BCL2L14: variants seen among roughly 807,000 people sequenced by gnomAD.
BCL2L14 encodes the protein BCL2 like 14, also known as apoptosis facilitator Bcl-2-like protein 14.
Under a neutral mutation model 35.3 loss-of-function variants are expected in BCL2L14, and 27 were observed. The observed-to-expected ratio is 0.76, with a 90% confidence interval of 0.56 to 1.05. The LOEUF (loss-of-function observed/expected upper bound fraction) is 1.05, where lower values mean the gene tolerates loss of function less well. Among genes scored for constraint, BCL2L14 ranks in the 50% least tolerant of loss-of-function variants. The pLI is 0.00. For missense variants in BCL2L14, 377 were observed against 382.6 expected (o/e 0.99, Z 0.12); for synonymous variants, 139 against 145.9 (o/e 0.95, Z 0.34).
chr12:12,093,125 T>TAA (rs1204164574), intron 4 of BCL2L14, among the ~76,000 whole-genome samples: 1 of 152,020 alleles, frequency 6.6e-6, no homozygotes, highest in Non-Finnish European at 1.5e-5. Context: ...TCAAAGGAGG[T>TAA]AAAGCAGAGA....
Position 12,054,947 on chromosome 12 carries a change from C to CAAA in BCL2L14, c.-272+3112_-272+3114dup, listed in dbSNP as rs33941702. 357 of 135,522 alleles carry CAAA rather than the reference C, an allele frequency of 2.6e-3. 2 individuals are homozygous for CAAA. Among genetic ancestry groups the CAAA allele is most frequent in the South Asian group, 8.4e-3 (34 of 4,044 alleles). 8.4% of individuals were successfully genotyped at this position (135,522 alleles called of 1,614,324 possible). A position where few individuals can be genotyped will look rare whatever the true frequency, so the allele number is the denominator to read the frequency against. ...TGGGCGACAGAGCGAGACTCCATCTCAAAAAAAAAAAAAAGAATAAAGAAA... is the reference window on the plus strand; with the variant it reads ...TGGGCGACAGAGCGAGACTCCATCTCAAAAAAAAAAAAAAAAAGAATAAAGAAA... On this transcript the variant is annotated intron_variant, in intron 2 of 3. Transcript: ENST00000461264.
intron 1 of BCL2L14, among the ~76,000 whole-genome samples, chr12:12,078,445 C>T (rs948385326): frequency 5.9e-5 from 9 of 152,170 alleles, no homozygotes; most frequent in African/African-American, 1.4e-4. Flanking sequence ...TACTGATCAA[C>T]GTGAGAAAAT....
chr12:12,058,874 G>C (rs1163902269), intron 2 of BCL2L14, among the ~76,000 whole-genome samples: 2 of 152,266 alleles, frequency 1.3e-5, no homozygotes, highest in Admixed American at 6.5e-5. Flanking sequence ...ATCCACCTAT[G>C]ACCTCAGGTT....
At chr12:12,077,967 G>C in intron 1 of BCL2L14, 1 of 445,606 alleles carries the variant, frequency 2.2e-6, no homozygotes, top group Non-Finnish European at 4.5e-6. Flanking sequence ...ACCAGAGAAG[G>C]AGTTATTTCA....
chr12:12,060,405 T>G (rs1159841516), intron 2 of BCL2L14, among the ~76,000 whole-genome samples: 2 of 69,242 alleles, frequency 2.9e-5, no homozygotes, highest in Non-Finnish European at 5.6e-5. Context: ...AAAGGCCGTC[T>G]TATTCTCAAA....
upstream of BCL2L14, among the ~76,000 whole-genome samples, chr12:12,070,447 G>T (rs1948652063): frequency 6.6e-6 from 1 of 152,202 alleles, no homozygotes; most frequent in Admixed American, 6.5e-5. Context: ...CACTTTGGGA[G>T]GCCGAGGAGG....
chr12:12,078,604 T>G (rs1395971847), intron 1 of BCL2L14, among the ~76,000 whole-genome samples: 1 of 152,102 alleles, frequency 6.6e-6, no homozygotes, highest in Non-Finnish European at 1.5e-5. Context: ...TCAAACACAT[T>G]CTGAATTCAC....
In BCL2L14 at chr12:12,079,399, A is replaced by C; in HGVS notation, c.94A>C (p.Arg32=). Residue 32 remains arginine, a synonymous_variant, in exon 2 of 6, where the codon AGA becomes CGA. Coordinates refer to ENST00000308721, the MANE Select transcript of BCL2L14 (RefSeq NM_138723.2). ...ATTCAAAATCCTCGCCTACTACACC[A>C]GACATCATGTCTTCAAGAGCACCCC... ...IEFKILAYYT[R]HHVFKSTPAL... 6.2e-7 allele frequency: 1 copy of C among 1,614,196 alleles called. No homozygotes were observed. The highest frequency in any genetic ancestry group is 8.5e-7 in the Non-Finnish European group (1 of 1,180,038).
At chr12:12,077,750 A>G in intron 1 of BCL2L14, 1 of 205,772 alleles carries the variant, frequency 4.9e-6, no homozygotes, top group East Asian at 1.1e-4. Context: ...ACAGGTCACA[A>G]AACTAGTCAC....
chr12:12,057,233 G>T (rs555431744), intron 2 of BCL2L14, among the ~76,000 whole-genome samples: 10 of 152,332 alleles, frequency 6.6e-5, no homozygotes, highest in African/African-American at 2.4e-4. Flanking sequence ...ATTATAATAT[G>T]CAAGGAATTA....
intron 4 of BCL2L14, among the ~76,000 whole-genome samples, chr12:12,093,304 T>C (rs1386567724): frequency 6.6e-6 from 1 of 152,222 alleles, no homozygotes; most frequent in Non-Finnish European, 1.5e-5. Flanking sequence ...CCAAAGCACC[T>C]CTTCTATGTC....
intron 1 of BCL2L14, among the ~76,000 whole-genome samples, chr12:12,078,422 T>C (rs552945829): frequency 6.6e-6 from 1 of 152,328 alleles, no homozygotes; most frequent in East Asian, 1.9e-4. Flanking sequence ...AGTCCACAGC[T>C]CATTTTGAAA....
intron 5 of BCL2L14, among the ~76,000 whole-genome samples, chr12:12,097,219 A>G (rs1331069936): frequency 6.6e-6 from 1 of 152,240 alleles, no homozygotes; most frequent in Non-Finnish European, 1.5e-5. Context: ...AGTTGAAGAC[A>G]TATTTTCATA....
In BCL2L14 at chr12:12,087,380, A is replaced by C. The variant is rs1280744258; in HGVS notation, c.601A>C (p.Lys201Gln). Residue 201 changes from lysine to glutamine, a missense_variant, in exon 3 of 6, where the codon AAG (lysine) becomes CAG (glutamine). Lys to Gln is a moderately conservative substitution (Grantham distance 53). Coordinates refer to ENST00000308721, the MANE Select transcript of BCL2L14 (RefSeq NM_138723.2). Reference sequence around the variant, plus strand: ...CCACGTGCCTGTAGCTTCAAGTTCTAAGAAAGGTAAGCTTTCCTTCCCTGG... The same window carrying C: ...CCACGTGCCTGTAGCTTCAAGTTCTCAGAAAGGTAAGCTTTCCTTCCCTGG... The part of the protein sequence containing the change: ...QGHVPVASSS[K>Q]KDEEEQILAK... 1 of 1,613,988 alleles carries C rather than the reference A, an allele frequency of 6.2e-7. No individual in the cohort carries two copies. Among genetic ancestry groups the C allele is most frequent in the Non-Finnish European group, 8.5e-7 (1 of 1,179,966 alleles).
At chr12:12,094,045 T>C (rs1432177944) in intron 4 of BCL2L14, among the ~76,000 whole-genome samples, 2 of 151,270 alleles carry the variant, frequency 1.3e-5, no homozygotes, top group Non-Finnish European at 2.9e-5. Flanking sequence ...AGGCAGAGGT[T>C]GCAGTGAGCT....
intron 2 of BCL2L14, among the ~76,000 whole-genome samples, chr12:12,065,273 C>T (rs1023014416): frequency 6.6e-6 from 1 of 152,046 alleles, no homozygotes; most frequent in Non-Finnish European, 1.5e-5. Context: ...GAGTGGCTCA[C>T]GCATATAATC....
chr12:12,065,794 A>AT (rs35435604), intron 2 of BCL2L14, among the ~76,000 whole-genome samples: 5,104 of 139,774 alleles, frequency 0.037, 142 homozygotes, highest in Admixed American at 0.1. Context: ...CTTTGTTTCT[A>AT]TTTTTTTTTT....
chr12:12,085,964 A>G (rs1949033915), intron 2 of BCL2L14, among the ~76,000 whole-genome samples: 1 of 152,170 alleles, frequency 6.6e-6, no homozygotes, highest in East Asian at 1.9e-4. Flanking sequence ...GTTACATGGT[A>G]AAACCCAGCT....
chr12:12,070,505 T>A (rs954783401), upstream of BCL2L14, among the ~76,000 whole-genome samples: 38 of 151,990 alleles, frequency 2.5e-4, no homozygotes, highest in African/African-American at 9.2e-4. Context: ...GTGAAACCCC[T>A]GTCTCTACTA....
Sources: gnomAD v4.1 joint callset for allele counts (sites outside exome capture counted in the v4.1 genomes callset) on GRCh38, gnomAD v4.1.1 for gene constraint, MANE v1.5 for transcripts, NCBI Gene and HGNC (gene_info 2026-07-23, HGNC 2026-07-21) for gene names.